Variants in CCDC42 observed in about 807,000 individuals in gnomAD.
CCDC42 encodes coiled-coil domain containing 42.
CCDC42 carries 38 observed loss-of-function variants against 40.8 expected under a neutral mutation model. The observed-to-expected ratio is 0.93, with a 90% CI of 0.72 to 1.22. The LOEUF (loss-of-function observed/expected upper bound fraction) is 1.22. Ranked by LOEUF, CCDC42 falls within the 50% of genes most tolerant of loss-of-function variation. The pLI, the probability that CCDC42 is intolerant of heterozygous loss-of-function variation, is 0.00. For missense variants in CCDC42, 379 were observed against 416.5 expected (o/e 0.91, Z 0.78); for synonymous variants, 135 against 157.5 (o/e 0.86, Z 1.07).
chr17:8,732,335 A>C (rs547875806), intron 6 of CCDC42, among the ~76,000 whole-genome samples: 1 of 131,368 alleles, frequency 7.6e-6, no homozygotes, highest in African/African-American at 2.7e-5. Context: ...CTGCTCGTGT[A>C]CTCCTGAACC....
intron 4 of CCDC42, among the ~76,000 whole-genome samples, chr17:8,737,456 A>G (rs1723900846): frequency 6.6e-6 from 1 of 152,268 alleles, no homozygotes; most frequent in African/African-American, 2.4e-5. Flanking sequence ...GTGCTAGAGA[A>G]CAAATTCATT....
intron 6 of CCDC42, among the ~76,000 whole-genome samples, chr17:8,731,644 G>A (rs970338939): frequency 3.9e-5 from 6 of 152,182 alleles, no homozygotes; most frequent in Non-Finnish European, 5.9e-5. Context: ...GCAAACTAAC[G>A]CAGGAACAGA....
At chr17:8,744,443 C>T (rs1344592276) in intron 1 of CCDC42, 84 bp downstream of exon 1, 20 of 1,146,930 alleles carry the variant, frequency 1.7e-5, no homozygotes, top group Non-Finnish European at 2.6e-5. Context: ...GAGGAGGGGA[C>T]AGACGGTTGG....
intron 6 of CCDC42, among the ~76,000 whole-genome samples, chr17:8,731,082 G>T (rs1366848777): frequency 6.6e-6 from 1 of 152,176 alleles, no homozygotes; most frequent in Non-Finnish European, 1.5e-5. Context: ...CCCCGTCGCA[G>T]GTCTGGGGCA....
rs2086644995 is a variant in CCDC42, at chr17:8,741,594, C to T, written c.372G>A (p.Glu124=). 2 of 1,614,220 alleles carry T rather than the reference C, an allele frequency of 1.2e-6. No individual in the cohort carries two copies. Among genetic ancestry groups the T allele is most frequent in the Non-Finnish European group, 1.7e-6 (2 of 1,180,050 alleles). Residue 124 remains glutamate (E), a synonymous_variant, in exon 4 of 7, where the codon GAG becomes GAA. Coordinates refer to ENST00000293845, the MANE Select transcript of CCDC42 (RefSeq NM_144681.3). Reference sequence around the variant, plus strand: ...CCATCTCCTGCTTGCGCTTGGTCAGCTCCTGCATGTGCTGGCACTTGAGTT... The same window carrying T: ...CCATCTCCTGCTTGCGCTTGGTCAGTTCCTGCATGTGCTGGCACTTGAGTT... ...ERELKCQHMQ[E]LTKRKQEMVA...
chr17:8,744,367 C>T (rs1395760549), intron 1 of CCDC42, among the ~76,000 whole-genome samples, 160 bp downstream of exon 1: 2 of 151,566 alleles, frequency 1.3e-5, no homozygotes, highest in Admixed American at 6.6e-5. Flanking sequence ...GGGAGGGTGA[C>T]GGGGTGGAGA....
intron 6 of CCDC42, among the ~76,000 whole-genome samples, chr17:8,732,336 C>T (rs918832409): frequency 3.9e-5 from 5 of 129,814 alleles, no homozygotes; most frequent in Admixed American, 3.0e-4. Context: ...TGCTCGTGTA[C>T]TCCTGAACCT....
At chr17:8,738,622 C>T (rs1453853514) in intron 4 of CCDC42, among the ~76,000 whole-genome samples, 1 of 151,994 alleles carries the variant, frequency 6.6e-6, no homozygotes, top group Non-Finnish European at 1.5e-5. Context: ...CCCGCCATCA[C>T]GCCCAGCTAA....
intron 6 of CCDC42, among the ~76,000 whole-genome samples, chr17:8,731,033 C>T (rs191042009): frequency 1.4e-3 from 213 of 152,284 alleles, no homozygotes; most frequent in Middle Eastern, 3.4e-3. Context: ...CAGCATGACA[C>T]GGAAGTCATG....
intron 4 of CCDC42, among the ~76,000 whole-genome samples, chr17:8,736,741 T>G (rs143652520): frequency 6.6e-6 from 1 of 151,792 alleles, no homozygotes; most frequent in African/African-American, 2.4e-5. Flanking sequence ...TGAAATGAGA[T>G]GAGAGGTATA....
At chr17:8,742,072 G>A (rs1465212792) in intron 3 of CCDC42, among the ~76,000 whole-genome samples, 1 of 152,098 alleles carries the variant, frequency 6.6e-6, no homozygotes, top group African/African-American at 2.4e-5. Context: ...TCAACCCGCC[G>A]AGAAGACTGA....
intron 4 of CCDC42, among the ~76,000 whole-genome samples, chr17:8,738,842 TAA>T (rs998308827): frequency 6.6e-6 from 1 of 152,104 alleles, no homozygotes; most frequent in Non-Finnish European, 1.5e-5. Context: ...TACAAAATAA[TAA>T]AAAGCATGAC....
intron 3 of CCDC42, among the ~76,000 whole-genome samples, chr17:8,742,049 G>A (rs1004445): frequency 0.51 from 77,633 of 151,678 alleles, 20,156 homozygotes; most frequent in African/African-American, 0.58. Context: ...CTGGGCTCAC[G>A]GTCTGGAAGA....
At position 8,744,724 on chromosome 17, in the gene CCDC42, C is replaced by T. The variant is rs2086668154; in HGVS notation, c.-115G>A. 2 of 714,402 alleles carry T rather than the reference C, an allele frequency of 2.8e-6. No individual in the cohort carries two copies. Among genetic ancestry groups the T allele is most frequent in the African/African-American group, 1.7e-5 (1 of 58,072 alleles). 44.3% of individuals were successfully genotyped at this position (714,402 alleles called of 1,614,324 possible). A position where few individuals can be genotyped will look rare whatever the true frequency, so the allele number is the denominator to read the frequency against. The stretch of plus-strand genomic sequence containing the variant: ...CACTCTTGTTTCTCCCTTCGGCCTA[C>T]AGGGTCCCACAGATGATGGAGTTTG... On this transcript the variant is annotated 5_prime_UTR_variant, in exon 1 of 7. Coordinates refer to ENST00000293845, the MANE Select transcript of CCDC42 (RefSeq NM_144681.3).
At position 8,741,515 on chromosome 17, in the gene CCDC42, T is replaced by C. The variant is rs770741578; in HGVS notation, c.451A>G (p.Ile151Val). The part of the protein sequence containing the change: ...RLSAKLKDYY[I>V]FNKYLEKVVE... ...ACCTTCTCTAGGTACTTGTTGAAGA[T>C]GTAGTAGTCCTTCAGCTTGGCGCTC... Residue 151 changes from isoleucine to valine, a missense_variant, in exon 4 of 7, where the codon ATC (isoleucine) becomes GTC (valine). Coordinates refer to ENST00000293845, the MANE Select transcript of CCDC42 (RefSeq NM_144681.3). The C allele has an allele frequency of 1.2e-6, 2 of 1,614,216 alleles. No individual in the cohort carries two copies. Among genetic ancestry groups the C allele is most frequent in the South Asian group, 2.2e-5 (2 of 91,090 alleles).
In CCDC42 at chr17:8,735,617, G is replaced by A. The variant is rs368546763; in HGVS notation, c.493-6C>T. 15 of 1,612,226 alleles carry A rather than the reference G, an allele frequency of 9.3e-6. No homozygotes were observed. The highest frequency in any genetic ancestry group is 1.2e-5 in the Non-Finnish European group (14 of 1,179,084). ...ACCTCATGGATCTCCTCGAACTGTG[G>A]TCAGGGGCTCAGGTCAATGCACAGC... On this transcript the variant is annotated splice_region_variant and splice_polypyrimidine_tract_variant and intron_variant, in intron 4 of 6. Transcript: ENST00000293845. The surrounding 1 kb of genome is among the most constrained non-coding windows in gnomAD (Gnocchi z 4.7).
At chr17:8,738,689 C>T (rs1054679417) in intron 4 of CCDC42, among the ~76,000 whole-genome samples, 1 of 152,192 alleles carries the variant, frequency 6.6e-6, no homozygotes, top group Non-Finnish European at 1.5e-5. Flanking sequence ...TGGTCTCGAA[C>T]TCCTGACCTC....
intron 6 of CCDC42, among the ~76,000 whole-genome samples, chr17:8,731,882 T>C (rs12938424): frequency 0.82 from 124,206 of 151,742 alleles, 51,072 homozygotes; most frequent in African/African-American, 0.87. Context: ...CAAACCTGCT[T>C]GGCTGGACGC....
chr17:8,743,030 T>A (rs944725134), intron 3 of CCDC42, among the ~76,000 whole-genome samples: 1 of 152,238 alleles, frequency 6.6e-6, no homozygotes, highest in African/African-American at 2.4e-5. Context: ...GGCTTCTTTG[T>A]GGCCGACGGC....
Sources: gnomAD v4.1 joint callset for allele counts (sites outside exome capture counted in the v4.1 genomes callset) on GRCh38, gnomAD v4.1.1 for gene constraint, Gnocchi (gnomAD v3.1) non-coding constraint, MANE v1.5 for transcripts, NCBI Gene and HGNC (gene_info 2026-07-23, HGNC 2026-07-21) for gene names.